The following DHX32 variants were observed in gnomAD, a reference collection of about 807,000 sequenced individuals.
The protein encoded by DHX32 is DEAH-box helicase 32 (putative).
In DHX32, 51 loss-of-function variants were observed where a neutral mutation model predicts 70.0. That is an observed-to-expected ratio of 0.73 (90% CI 0.58 to 0.92). The LOEUF (loss-of-function observed/expected upper bound fraction) is 0.92. DHX32 is among the 40% of genes least tolerant of loss of function. The probability of loss-of-function intolerance (pLI) is 0.00; values close to 1 mark genes in which losing one functional copy is unlikely to be tolerated. For missense variants in DHX32, 762 were observed against 891.8 expected (o/e 0.85, Z 1.85); for synonymous variants, 310 against 315.3 (o/e 0.98, Z 0.18).
At chr10:125,861,452 G>C (rs968692392) in intron 2 of DHX32, among the ~76,000 whole-genome samples, 1 of 152,126 alleles carries the variant, frequency 6.6e-6, no homozygotes, top group African/African-American at 2.4e-5. Context: ...AGCCGAGATT[G>C]CGCCAGGGCA....
At chr10:125,851,278 G>A (rs998676316) in intron 6 of DHX32, among the ~76,000 whole-genome samples, 4 of 152,182 alleles carry the variant, frequency 2.6e-5, no homozygotes, top group African/African-American at 9.7e-5. Context: ...AAGCACAGCA[G>A]AAAAGTTATG....
At chr10:125,837,824 G>A (rs1213649495) in intron 10 of DHX32, among the ~76,000 whole-genome samples, 1 of 152,094 alleles carries the variant, frequency 6.6e-6, no homozygotes, top group African/African-American at 2.4e-5. Flanking sequence ...ACACCTTCTG[G>A]TGCCTGCCTC....
exon 1 of DHX32, chr10:125,896,265 C>G (rs1231077782): frequency 1.3e-5 from 2 of 158,958 alleles, no homozygotes; most frequent in African/African-American, 4.8e-5. Flanking sequence ...AGGGCCGGCG[C>G]CTTACCCGCG....
chr10:125,894,833 A>C (rs931306746), intron 1 of DHX32, among the ~76,000 whole-genome samples: 1 of 152,302 alleles, frequency 6.6e-6, no homozygotes, highest in Non-Finnish European at 1.5e-5. Flanking sequence ...TTGAATGAAA[A>C]GACCGCTTTG....
Position 125,859,747 on chromosome 10 carries a change from T to C in DHX32, c.705A>G (p.Ile235Met). The change falls in exon 3 of 11, where the codon ATA becomes ATG. Residue 235 changes from isoleucine (I) to methionine (M), a missense_variant. Ile to Met is a conservative substitution (Grantham distance 10). Around this residue, in one of 3 missense-constraint regions of DHX32, gnomAD observed 394 missense variants for 473.1 expected, o/e 0.83. Coordinates refer to ENST00000284690, the MANE Select transcript of DHX32 (RefSeq NM_018180.3). ...LNSYYGNVPV[I>M]EVKNKHPVEV... is the part of the protein sequence containing the mutation. ...CCACAGGGTGTTTATTTTTCACTTC[T>C]ATGACAGGCACGTTTCCATAATAAG... The C allele has an allele frequency of 1.2e-6, 2 of 1,614,168 alleles. No homozygotes were observed. Among genetic ancestry groups the C allele is most frequent in the African/African-American group, 1.3e-5 (1 of 75,044 alleles).
chr10:125,881,472 G>A (rs1038709445), upstream of DHX32, among the ~76,000 whole-genome samples: 4 of 152,190 alleles, frequency 2.6e-5, no homozygotes, highest in African/African-American at 9.7e-5. Flanking sequence ...TGATGACCTG[G>A]TGAGTGTTCC....
chr10:125,841,653 TC>T, intron 7 of DHX32, 89 bp downstream of exon 7: 1 of 1,524,632 alleles, frequency 6.6e-7, no homozygotes, highest in Non-Finnish European at 8.7e-7. Flanking sequence ...TGCTCTGTGC[TC>T]CTCAAAATAT....
At chr10:125,896,241 CG>C (rs1944516870) in exon 1 of DHX32, 1 of 156,532 alleles carries the variant, frequency 6.4e-6, no homozygotes, top group Non-Finnish European at 1.4e-5. Context: ...TCCCGATTCC[CG>C]GGAGGGCGGC....
chr10:125,838,587 C>T (rs988845892), intron 9 of DHX32, among the ~76,000 whole-genome samples, 200 bp from the exon 10 acceptor site: 1 of 152,150 alleles, frequency 6.6e-6, no homozygotes, highest in African/African-American at 2.4e-5. Flanking sequence ...GTGATGTTAA[C>T]TAACTTCAGC....
rs200115690 is a variant in DHX32, at chr10:125,880,832, G to A, written c.-8C>T. ...CAGCCCTTCTTCTTCCATCTTGTCT[G>A]ACAGTGAGCTCACGCAGCTGACATT... On this transcript the variant is annotated 5_prime_UTR_variant, in exon 1 of 11. Transcript: ENST00000284690. The A allele has an allele frequency of 1.2e-4, 199 of 1,605,206 alleles. 1 individual carries two copies. In the Middle Eastern group the frequency reaches 1.5e-3, roughly 12 times the overall value.
intron 1 of DHX32, among the ~76,000 whole-genome samples, chr10:125,875,747 A>G (rs993001571): frequency 3.3e-5 from 5 of 152,310 alleles, no homozygotes; most frequent in African/African-American, 1.2e-4. Flanking sequence ...GGTGAAGGAG[A>G]TCTGACCTGA....
At chr10:125,840,355 A>G (rs1486433266) in intron 8 of DHX32, among the ~76,000 whole-genome samples, 1 of 152,104 alleles carries the variant, frequency 6.6e-6, no homozygotes, top group Non-Finnish European at 1.5e-5. Flanking sequence ...CTCCTCTATC[A>G]AGCTCCGTCA....
chr10:125,847,932 G>A (rs1210759961), intron 6 of DHX32, among the ~76,000 whole-genome samples: 2 of 152,124 alleles, frequency 1.3e-5, no homozygotes, highest in Non-Finnish European at 2.9e-5. Context: ...ATGCTCGCTT[G>A]CCCCCCACTC....
At chr10:125,853,294 C>A in intron 4 of DHX32, 2 of 1,058,354 alleles carry the variant, frequency 1.9e-6, no homozygotes, top group South Asian at 2.0e-5. Context: ...GATAAAACAT[C>A]TCGGCACCTA....
intron 1 of DHX32, among the ~76,000 whole-genome samples, chr10:125,875,924 C>T (rs1187067387): frequency 6.6e-6 from 1 of 152,196 alleles, no homozygotes; most frequent in Non-Finnish European, 1.5e-5. Context: ...GGCCTGAATT[C>T]TGCCAAGATG....
intron 8 of DHX32, 103 bp downstream of exon 8, chr10:125,840,744 A>C (rs1854854339): frequency 1.5e-6 from 2 of 1,339,412 alleles, no homozygotes; most frequent in Admixed American, 4.9e-5. Flanking sequence ...TCAAGTGGCC[A>C]GTAGGGCTGG....
In DHX32 at chr10:125,855,095, G is replaced by A. The variant is rs112166585; in HGVS notation, c.850-892C>T. Among the ~76,000 whole-genome samples the A allele has an allele frequency of 4.8e-3, 729 of 151,834 alleles. 8 individuals are homozygous for A. The highest frequency in any genetic ancestry group is 0.016 in the African/African-American group (662 of 41,426). On this transcript the variant is annotated intron_variant, in intron 3 of 10. Coordinates refer to ENST00000284690, the MANE Select transcript of DHX32 (RefSeq NM_018180.3). ...AAATTAGCTGGGCATGATGGCATGC[G>A]TCTGTAGTCCCAGCTACTCACAAGG...
At chr10:125,878,914 T>C (rs1350420447) in intron 1 of DHX32, among the ~76,000 whole-genome samples, 2 of 150,644 alleles carry the variant, frequency 1.3e-5, no homozygotes, top group African/African-American at 4.9e-5. Context: ...TTCACCATAT[T>C]GGACAGGCTG....
intron 6 of DHX32, among the ~76,000 whole-genome samples, chr10:125,850,354 C>CT (rs765077777): frequency 0.045 from 5,596 of 124,532 alleles, 310 homozygotes; most frequent in African/African-American, 0.11. Context: ...TTCTTTCTTT[C>CT]TTTTTTTTTT....
Sources: allele counts gnomAD v4.1 joint callset (sites outside exome capture counted in the v4.1 genomes callset), GRCh38; gene constraint gnomAD v4.1.1; regional missense constraint gnomAD v4.1.1; transcripts MANE v1.5; gene names NCBI Gene and HGNC (gene_info 2026-07-23, HGNC 2026-07-21).